Variants in AOPEP observed in about 807,000 individuals in gnomAD.
AOPEP encodes the protein aminopeptidase O (putative).
AOPEP carries 77 observed loss-of-function variants against 98.1 expected under a neutral mutation model. That is an observed-to-expected ratio of 0.78 (90% CI 0.65 to 0.95). AOPEP has a LOEUF of 0.95. Among genes scored for constraint, AOPEP ranks in the 40% least tolerant of loss-of-function variants. The probability of loss-of-function intolerance (pLI) is 0.00; values close to 1 mark genes in which losing one functional copy is unlikely to be tolerated. For missense variants in AOPEP, 1,024 were observed against 1,024.7 expected (o/e 1.00, Z 0.01); for synonymous variants, 346 against 365.3 (o/e 0.95, Z 0.60).
At chr9:94,975,121 C>T (rs773087149) in intron 10 of AOPEP, among the ~76,000 whole-genome samples, 1 of 152,086 alleles carries the variant, frequency 6.6e-6, no homozygotes, top group African/African-American at 2.4e-5. Context: ...GTCCCGGTTA[C>T]TCGGAAGGCT....
chr9:94,800,096 A>G (rs1465881106), intron 4 of AOPEP, among the ~76,000 whole-genome samples: 1 of 152,204 alleles, frequency 6.6e-6, no homozygotes. Context: ...TTTCCTTAAA[A>G]GGCTGGCTCA....
At position 95,014,975 on chromosome 9, in the gene AOPEP, G is replaced by C. The variant is rs572748059; in HGVS notation, c.2115+9359G>C. On this transcript the variant is annotated intron_variant, in intron 13 of 16. Coordinates refer to ENST00000375315, the MANE Select transcript of AOPEP (RefSeq NM_001193329.3). ...CATGAGAAATGTCATTTCTGGCCATGGGGAGATCAAACACACAGCATATCA... is the reference window on the plus strand; with the variant it reads ...CATGAGAAATGTCATTTCTGGCCATCGGGAGATCAAACACACAGCATATCA... Among the ~76,000 whole-genome samples the C allele has an allele frequency of 2.0e-5, 3 of 152,314 alleles. No individual in the cohort carries two copies. In the East Asian group the frequency reaches 5.8e-4, roughly 29 times the overall value.
chr9:95,064,209 A>G (rs1199459529), intron 14 of AOPEP, among the ~76,000 whole-genome samples: 5 of 152,270 alleles, frequency 3.3e-5, no homozygotes, highest in African/African-American at 9.6e-5. Context: ...AAAAACGACC[A>G]GCGTCACAGG....
At chr9:94,904,318 A>G (rs576493104) in intron 5 of AOPEP, 1 of 152,350 alleles carries the variant, frequency 6.6e-6, no homozygotes, top group African/African-American at 2.4e-5. Flanking sequence ...CCAGAGAGGT[A>G]AAGAACTTGG....
At chr9:94,830,823 A>G (rs1219128537) in intron 5 of AOPEP, among the ~76,000 whole-genome samples, 1 of 151,874 alleles carries the variant, frequency 6.6e-6, no homozygotes, top group African/African-American at 2.4e-5. Context: ...GCTTTTTTTC[A>G]TGTTTGTTGG....
chr9:94,737,235 GC>G (rs1357993045), intron 1 of AOPEP, among the ~76,000 whole-genome samples: 1 of 152,008 alleles, frequency 6.6e-6, no homozygotes, highest in Non-Finnish European at 1.5e-5. Context: ...CTCCTGAGTA[GC>G]CGAGAGTACA....
At chr9:94,887,220 C>T (rs992014573) in intron 5 of AOPEP, among the ~76,000 whole-genome samples, 2 of 151,992 alleles carry the variant, frequency 1.3e-5, no homozygotes, top group African/African-American at 4.8e-5. Context: ...TGGTGGCATG[C>T]ACCTGTAGTC....
chr9:94,832,489 G>A (rs914001276), intron 5 of AOPEP, among the ~76,000 whole-genome samples: 22 of 152,192 alleles, frequency 1.4e-4, no homozygotes, highest in Admixed American at 1.4e-3. Context: ...ACAGTATCTA[G>A]CAAAACAAGA....
At position 95,014,026 on chromosome 9, in the gene AOPEP, C is replaced by T. The variant is rs191455436; in HGVS notation, c.2115+8410C>T. On this transcript the variant is annotated intron_variant, in intron 13 of 16. Transcript: ENST00000375315. ...ATAACTTTTTTGTTTTGCTTGCTCA[C>T]AGTAGATATGAAGCCAAATAAGGTA... is the stretch of plus-strand genomic sequence containing the variant. Among the ~76,000 whole-genome samples the T allele has an allele frequency of 1.2e-4, 18 of 152,292 alleles. No individual in the cohort carries two copies. In the East Asian group the frequency reaches 2.3e-3, roughly 20 times the overall value.
chr9:94,727,238 T>A (rs992944429), intron 1 of AOPEP, among the ~76,000 whole-genome samples: 7 of 152,156 alleles, frequency 4.6e-5, no homozygotes, highest in Non-Finnish European at 2.9e-5. Context: ...AGTTTTGGGG[T>A]CCCTATAGAA....
chr9:94,879,930 C>A (rs2135816939), intron 5 of AOPEP, among the ~76,000 whole-genome samples: 1 of 152,338 alleles, frequency 6.6e-6, no homozygotes, highest in East Asian at 1.9e-4. Context: ...TTTAAAGACT[C>A]AGGAAGGACC....
the AOPEP span, among the ~76,000 whole-genome samples, chr9:95,119,857 G>A: frequency 3.3e-5 from 5 of 152,144 alleles, no homozygotes; most frequent in African/African-American, 1.2e-4. Context: ...GACAACAGGT[G>A]TGTGCCACCA....
chr9:95,129,432 ATC>A, the AOPEP span, among the ~76,000 whole-genome samples: 2,008 of 152,084 alleles, frequency 0.013, 40 homozygotes, highest in African/African-American at 0.045. Flanking sequence ...TCCCCCCTAA[ATC>A]TCTGTAGCAT....
chr9:94,914,523 CGTGT>C (rs67826706), intron 5 of AOPEP, among the ~76,000 whole-genome samples: 1,880 of 143,666 alleles, frequency 0.013, 24 homozygotes, highest in Non-Finnish European at 0.019. Context: ...TGGCATTAGA[CGTGT>C]GTGTGTGTGT....
intron 7 of AOPEP, among the ~76,000 whole-genome samples, chr9:94,949,976 G>A (rs1307125024): frequency 1.3e-5 from 2 of 152,212 alleles, no homozygotes; most frequent in Non-Finnish European, 2.9e-5. Context: ...GAGTCAAGGA[G>A]CAAGCTTAAA....
At chr9:94,920,354 A>C (rs2053445625) in intron 5 of AOPEP, 1 of 152,372 alleles carries the variant, frequency 6.6e-6, no homozygotes, top group Non-Finnish European at 1.5e-5. Context: ...GCTCTCCATG[A>C]GGGGAATTGG....
rs528205044 is a variant in AOPEP, at chr9:94,898,211, G to T, written c.1365-25775G>T. 9.9e-5 allele frequency among the ~76,000 whole-genome samples: 15 copies of T among 152,282 alleles called. No individual in the cohort carries two copies. In the South Asian group the frequency reaches 1.4e-3, roughly 15 times the overall value. On this transcript the variant is annotated intron_variant, in intron 5 of 16. Coordinates refer to ENST00000375315, the MANE Select transcript of AOPEP (RefSeq NM_001193329.3). Reference sequence around the variant, plus strand: ...CACCAAAGTGTAGGTGGCTAAATAAGCAAGAATGTTTACTTCAGCATTGCT... The same window carrying T: ...CACCAAAGTGTAGGTGGCTAAATAATCAAGAATGTTTACTTCAGCATTGCT...
At chr9:95,124,182 T>G in the AOPEP span, among the ~76,000 whole-genome samples, 6 of 148,224 alleles carry the variant, frequency 4.0e-5, no homozygotes, top group Non-Finnish European at 7.4e-5. Context: ...GCGGGGGGTG[T>G]GATCTGGTGG....
chr9:94,887,476 G>A (rs1339896332), intron 5 of AOPEP, among the ~76,000 whole-genome samples: 1 of 152,168 alleles, frequency 6.6e-6, no homozygotes, highest in Admixed American at 6.5e-5. Flanking sequence ...CCTGGGACAA[G>A]TCATTTGACC....
Sources: allele counts gnomAD v4.1 joint callset (sites outside exome capture counted in the v4.1 genomes callset), GRCh38; gene constraint gnomAD v4.1.1; transcripts MANE v1.5; gene names NCBI Gene and HGNC (gene_info 2026-07-23, HGNC 2026-07-21).